Variants in TMEM72 observed in about 807,000 individuals in gnomAD.
TMEM72 encodes transmembrane protein 72, also known as kidney-specific secretory protein of 37 kDa.
Under a neutral mutation model 16.3 loss-of-function variants are expected in TMEM72, and 9 were observed. The observed-to-expected ratio is 0.55, with a 90% confidence interval of 0.33 to 0.96. The LOEUF (loss-of-function observed/expected upper bound fraction) is 0.96. Ranked by LOEUF, TMEM72 falls within the 40% of genes least tolerant of loss-of-function variation. The pLI is 0.03. For missense variants in TMEM72, 324 were observed against 337.8 expected (o/e 0.96, Z 0.32); for synonymous variants, 160 against 146.5 (o/e 1.09, Z -0.66).
intron 1 of TMEM72, 27 bp from the exon 2 acceptor site, chr10:44,927,894 A>C (rs1840223180): frequency 6.2e-7 from 1 of 1,612,468 alleles, no homozygotes; most frequent in Non-Finnish European, 8.5e-7. Flanking sequence ...CACCAGGCCC[A>C]CTCTTCCTTC....
intron 2 of TMEM72, chr10:44,931,744 A>T: frequency 1.9e-6 from 1 of 519,838 alleles, no homozygotes; most frequent in East Asian, 3.2e-5. Flanking sequence ...GTGCCAGGTG[A>T]AGGCCATGTC....
Position 44,934,988 on chromosome 10 carries a change from T to C in TMEM72, c.682T>C (p.Leu228=). 3 of 1,614,086 alleles carry C rather than the reference T, an allele frequency of 1.9e-6. No individual in the cohort carries two copies. Among genetic ancestry groups the C allele is most frequent in the Non-Finnish European group, 2.5e-6 (3 of 1,180,030 alleles). Residue 228 remains leucine (L), a synonymous_variant, in exon 5 of 5, where the codon TTG becomes CTG. Coordinates refer to ENST00000389583, the MANE Select transcript of TMEM72 (RefSeq NM_001123376.3). The part of the protein sequence containing the change: ...KKKQVHFEDN[L]VRIVPSLAEG... ...GAAGCAGGTGCACTTTGAAGACAAC[T>C]TGGTCCGCATAGTCCCCTCCCTCGC...
At chr10:44,925,212 A>G (rs1436323989) in intron 1 of TMEM72, among the ~76,000 whole-genome samples, 1 of 151,940 alleles carries the variant, frequency 6.6e-6, no homozygotes, top group Non-Finnish European at 1.5e-5. Context: ...GCAAACCAGC[A>G]CTCTCTCTAC....
chr10:44,925,898 T>C (rs1294816592), intron 1 of TMEM72, among the ~76,000 whole-genome samples: 2 of 151,964 alleles, frequency 1.3e-5, no homozygotes, highest in Non-Finnish European at 2.9e-5. Flanking sequence ...TATACTCACA[T>C]ACACTCACAT....
rs114752248 is a variant in TMEM72 at position 44,928,414 on chromosome 10, C to T, written c.137+427C>T. 5.0e-3 allele frequency among the ~76,000 whole-genome samples: 758 copies of T among 152,036 alleles called. 5 individuals are homozygous for T. The highest frequency in any genetic ancestry group is 0.017 in the African/African-American group (716 of 41,454). On this transcript the variant is annotated intron_variant, in intron 2 of 4. Coordinates refer to ENST00000389583, the MANE Select transcript of TMEM72 (RefSeq NM_001123376.3). ...CCTGCCCATCCATCCATCTATTCAT[C>T]CATCTACCTATCCACTTGCCTATCC...
rs1261539661 is a variant in TMEM72, at chr10:44,935,131, C to A, written c.825C>A (p.Phe275Leu). 1.3e-6 allele frequency: 2 copies of A among 1,576,120 alleles called. No individual in the cohort carries two copies. Among genetic ancestry groups the A allele is most frequent in the Non-Finnish European group, 1.7e-6 (2 of 1,160,814 alleles). ...FLSSLTATGL[F>L] The stretch of plus-strand genomic sequence containing the variant: ...CATCTCTTACAGCCACCGGCCTGTT[C>A]TGAGCGCTTGCTCCAGCCTGGAGGA... The change falls in exon 5 of 5, where the codon TTC (phenylalanine) becomes TTA (leucine). Residue 275 changes from phenylalanine (F) to leucine (L), a missense_variant. Physicochemically the swap from Phe to Leu is conservative, Grantham distance 22. Transcript: ENST00000389583.
chr10:44,930,132 G>A (rs1292956282), intron 2 of TMEM72, among the ~76,000 whole-genome samples: 5 of 152,168 alleles, frequency 3.3e-5, no homozygotes, highest in African/African-American at 1.2e-4. Flanking sequence ...GTGGTCTCTG[G>A]GTGGTCCAGT....
intron 1 of TMEM72, among the ~76,000 whole-genome samples, chr10:44,913,529 G>A (rs768595954): frequency 3.3e-5 from 5 of 152,004 alleles, no homozygotes; most frequent in South Asian, 2.1e-4. Context: ...CTTTATCTCC[G>A]CACAGGGACT....
intron 2 of TMEM72, among the ~76,000 whole-genome samples, chr10:44,930,616 A>G (rs1354228295): frequency 1.3e-5 from 2 of 152,194 alleles, no homozygotes; most frequent in East Asian, 1.9e-4. Flanking sequence ...AATGTTAGTT[A>G]TTATCATTTT....
At chr10:44,926,960 C>T (rs1446224327) in intron 1 of TMEM72, among the ~76,000 whole-genome samples, 1 of 152,096 alleles carries the variant, frequency 6.6e-6, no homozygotes, top group Non-Finnish European at 1.5e-5. Flanking sequence ...AGAGGAAGCA[C>T]CAGAAGCCAG....
chr10:44,933,582 T>C, intron 3 of TMEM72, 55 bp from the exon 4 acceptor site: 2 of 1,573,120 alleles, frequency 1.3e-6, no homozygotes, highest in Non-Finnish European at 1.7e-6. Flanking sequence ...TGGCATCCAG[T>C]CTTGCTGGGG....
intron 3 of TMEM72, among the ~76,000 whole-genome samples, chr10:44,932,934 C>A (rs1219930188): frequency 6.6e-6 from 1 of 152,136 alleles, no homozygotes; most frequent in Non-Finnish European, 1.5e-5. Context: ...GTGCTTTGGG[C>A]CACCTGGACA....
rs1347359433 is a variant in TMEM72, at chr10:44,932,087, A to T, written c.209+18A>T. The T allele has an allele frequency of 5.6e-6, 9 of 1,610,204 alleles. No individual in the cohort carries two copies. Among genetic ancestry groups the T allele is most frequent in the Non-Finnish European group, 6.8e-6 (8 of 1,178,404 alleles). ...TGCTTCCAGTAAGTAGTTTCCAGAG[A>T]GACCCCTCCATTGTCCACCCCAGCC... On this transcript the variant is annotated intron_variant, in intron 3 of 4. Coordinates refer to ENST00000389583, the MANE Select transcript of TMEM72 (RefSeq NM_001123376.3).
chr10:44,915,036 A>ATGTC (rs1319305073), intron 1 of TMEM72, among the ~76,000 whole-genome samples: 1 of 152,192 alleles, frequency 6.6e-6, no homozygotes, highest in East Asian at 1.9e-4. Context: ...AAGGGGAGAC[A>ATGTC]TGTCCCTGAG....
rs933753366 is a variant in TMEM72 at position 44,911,354 on chromosome 10, C to T, written c.-159C>T. ...CAGAAGGTGAGCCCTATTCACACCT[C>T]GGCCAGGCTGCGGTGGCCAGGACTG... On this transcript the variant is annotated 5_prime_UTR_variant, in exon 1 of 5. Coordinates refer to ENST00000389583, the MANE Select transcript of TMEM72 (RefSeq NM_001123376.3). The T allele has an allele frequency of 2.2e-5, 15 of 675,042 alleles. No homozygotes were observed. The highest frequency in any genetic ancestry group is 3.6e-5 in the African/African-American group (2 of 55,884). The allele number at this position is 675,042 out of a possible 1,614,324, so 41.8% of individuals were successfully genotyped here.
chr10:44,921,034 A>ACC (rs1446981206), intron 1 of TMEM72, among the ~76,000 whole-genome samples: 1 of 152,230 alleles, frequency 6.6e-6, no homozygotes, highest in Admixed American at 6.5e-5. Context: ...CTAAGCCTGA[A>ACC]CTACAACAAA....
intron 1 of TMEM72, among the ~76,000 whole-genome samples, chr10:44,914,030 T>C (rs1213499770): frequency 6.6e-6 from 1 of 152,204 alleles, no homozygotes; most frequent in Non-Finnish European, 1.5e-5. Flanking sequence ...GCCTCTTCCC[T>C]GGACCCCCTG....
chr10:44,927,534 G>A (rs1189900354), intron 1 of TMEM72, among the ~76,000 whole-genome samples: 2 of 152,204 alleles, frequency 1.3e-5, no homozygotes, highest in Non-Finnish European at 2.9e-5. Context: ...CAGGGCTGGG[G>A]CAGGACCCAT....
rs555351408 is a variant in TMEM72 at position 44,919,030 on chromosome 10, A to ATCATATT, written c.70+7450_70+7456dup. On this transcript the variant is annotated intron_variant, in intron 1 of 4. Transcript: ENST00000389583. Reference sequence around the variant, plus strand: ...TATAGCAGCCGAAATGGACTAAGACATCATATTTAAAAACTAAAAAAGAAA... The same window carrying ATCATATT: ...TATAGCAGCCGAAATGGACTAAGACATCATATTTCATATTTAAAAACTAAAAAAGAAA... Among the ~76,000 whole-genome samples, 273 of 152,368 alleles carry ATCATATT rather than the reference A, an allele frequency of 1.8e-3. 2 individuals are homozygous for ATCATATT. Among genetic ancestry groups the ATCATATT allele is most frequent in the South Asian group, 0.014 (67 of 4,834 alleles).
Sources: allele counts gnomAD v4.1 joint callset (sites outside exome capture counted in the v4.1 genomes callset), GRCh38; gene constraint gnomAD v4.1.1; transcripts MANE v1.5; gene names NCBI Gene and HGNC (gene_info 2026-07-23, HGNC 2026-07-21).